The following MAPK4 variants were observed in gnomAD, a reference collection of about 807,000 sequenced individuals.
The protein encoded by MAPK4 is Erk3-related.
MAPK4 carries 22 observed loss-of-function variants against 47.7 expected under a neutral mutation model. The observed-to-expected ratio is 0.46, with a 90% CI of 0.33 to 0.66. MAPK4 has a LOEUF of 0.66. Ranked by LOEUF, MAPK4 falls within the 30% of genes least tolerant of loss-of-function variation. MAPK4 has a pLI of 0.02. For synonymous variants in MAPK4, 390 were observed against 365.7 expected (o/e 1.07, Z -0.76); for missense variants, 736 against 831.7 (o/e 0.88, Z 1.42).
intron 5 of MAPK4, among the ~76,000 whole-genome samples, chr18:50,728,041 G>A (rs936697299): frequency 3.3e-5 from 5 of 152,192 alleles, no homozygotes; most frequent in East Asian, 1.9e-4. Flanking sequence ...ACTGGGAGGC[G>A]GGCAGTGCTG....
intron 1 of MAPK4, among the ~76,000 whole-genome samples, chr18:50,606,782 C>T (rs1361083514): frequency 6.6e-6 from 1 of 152,172 alleles, no homozygotes; most frequent in East Asian, 1.9e-4. Context: ...AGCTGTGTGG[C>T]AGTAAAACTT....
intron 3 of MAPK4, among the ~76,000 whole-genome samples, chr18:50,717,378 G>A (rs1434227512): frequency 6.6e-6 from 1 of 152,160 alleles, no homozygotes; most frequent in Non-Finnish European, 1.5e-5. Flanking sequence ...CCCAGGGGGA[G>A]CGTGTTTTCT....
rs773708463 is a variant in MAPK4 at position 50,648,088 on chromosome 18, G to C, written c.-870-15001G>C. ...GCTCTTGGGATTCCCAGTATGATGG[G>C]AAGAAAGACCCAGAGAGAGAGAGAG... is the stretch of plus-strand genomic sequence containing the variant. On this transcript the variant is annotated intron_variant, in intron 1 of 5. Transcript: ENST00000400384. 2.1e-5 allele frequency among the ~76,000 whole-genome samples: 3 copies of C among 144,848 alleles called. No individual in the cohort carries two copies. The South Asian group carries it at 6.7e-4, about 32-fold the overall frequency.
intron 2 of MAPK4, among the ~76,000 whole-genome samples, chr18:50,710,641 G>T (rs35488723): frequency 1.3e-5 from 2 of 151,884 alleles, no homozygotes; most frequent in African/African-American, 4.8e-5. Flanking sequence ...TTAGCCGGGC[G>T]TGGTGGCAGG....
At chr18:50,714,028 C>T (rs890240555) in intron 2 of MAPK4, among the ~76,000 whole-genome samples, 6 of 152,176 alleles carry the variant, frequency 3.9e-5, no homozygotes, top group African/African-American at 1.2e-4. Flanking sequence ...AGGTCAAAAG[C>T]TCCTGGGTCC....
intron 1 of MAPK4, among the ~76,000 whole-genome samples, chr18:50,644,725 T>C (rs2042972226): frequency 6.6e-6 from 1 of 152,090 alleles, no homozygotes; most frequent in African/African-American, 2.4e-5. Flanking sequence ...GGTATCTTAG[T>C]AGAAAATGGC....
chr18:50,678,501 A>G lies in MAPK4; in HGVS notation c.546+13997A>G, dbSNP rs1457178404. Among the ~76,000 whole-genome samples the G allele has an allele frequency of 6.6e-6, 1 of 152,176 alleles. No homozygotes were observed. Among genetic ancestry groups the G allele is most frequent in the Non-Finnish European group, 1.5e-5 (1 of 68,030 alleles). On this transcript the variant is annotated intron_variant, in intron 2 of 5. Coordinates refer to ENST00000400384, the MANE Select transcript of MAPK4 (RefSeq NM_002747.4). This position sits in a 1 kb window ranked among gnomAD's most constrained non-coding sequence, Gnocchi z 4.2. Reference sequence around the variant, plus strand: ...CCGCCATCACCCCTCCACCCTGTACAGACTGGAGAGCGGGCCCTGTCTTCC... The same window carrying G: ...CCGCCATCACCCCTCCACCCTGTACGGACTGGAGAGCGGGCCCTGTCTTCC...
chr18:50,694,411 G>C (rs1256771382), intron 2 of MAPK4, among the ~76,000 whole-genome samples: 2 of 152,132 alleles, frequency 1.3e-5, no homozygotes, highest in Non-Finnish European at 2.9e-5. Flanking sequence ...TCAAAGTCCT[G>C]CTGAGAGACA....
intron 1 of MAPK4, among the ~76,000 whole-genome samples, chr18:50,621,344 A>G (rs558895738): frequency 6.6e-6 from 1 of 152,344 alleles, no homozygotes; most frequent in East Asian, 1.9e-4. Flanking sequence ...GTTCTTAAGC[A>G]CAAAAATGTG....
chr18:50,710,665 G>T (rs75629668), intron 2 of MAPK4, among the ~76,000 whole-genome samples: 1 of 149,096 alleles, frequency 6.7e-6, no homozygotes, highest in Non-Finnish European at 1.5e-5. Flanking sequence ...CTGCAGTCCC[G>T]GCTACTCAGG....
intron 2 of MAPK4, among the ~76,000 whole-genome samples, chr18:50,699,698 C>T (rs12968509): frequency 0.15 from 22,082 of 152,104 alleles, 1,854 homozygotes; most frequent in East Asian, 0.24. Flanking sequence ...GCCACAAGCC[C>T]GGGGGTCCCT....
chr18:50,563,574 C>A (rs1012714122), intron 1 of MAPK4, among the ~76,000 whole-genome samples: 3 of 152,190 alleles, frequency 2.0e-5, no homozygotes, highest in African/African-American at 7.2e-5. Context: ...GCCATTCTTT[C>A]AAGCATTCCT....
intron 1 of MAPK4, among the ~76,000 whole-genome samples, chr18:50,627,575 G>T (rs1442352548): frequency 6.6e-6 from 1 of 152,192 alleles, no homozygotes; most frequent in Non-Finnish European, 1.5e-5. Context: ...AACCAAAGTT[G>T]TTGCTTATAA....
intron 1 of MAPK4, among the ~76,000 whole-genome samples, chr18:50,658,830 T>A (rs1445101311): frequency 3.3e-5 from 5 of 151,438 alleles, no homozygotes; most frequent in Non-Finnish European, 7.4e-5. Context: ...GAAGACTGAG[T>A]CCAAGAGGAA....
At chr18:50,679,760 G>A (rs1280021737) in intron 2 of MAPK4, among the ~76,000 whole-genome samples, 1 of 152,218 alleles carries the variant, frequency 6.6e-6, no homozygotes, top group East Asian at 1.9e-4. Context: ...CTTTGCCCAG[G>A]TGGAAGCTTG....
At chr18:50,673,106 A>G (rs535101187) in intron 2 of MAPK4, among the ~76,000 whole-genome samples, 76 of 152,054 alleles carry the variant, frequency 5.0e-4, no homozygotes, top group Non-Finnish European at 8.7e-4. Flanking sequence ...GTGAAACCCC[A>G]TCTTTACCAA....
Position 50,729,569 on chromosome 18 carries a change from C to G in MAPK4, c.1479C>G (p.Ile493Met). Residue 493 changes from isoleucine (I) to methionine (M), a missense_variant, in exon 6 of 6, where the codon ATC (isoleucine) becomes ATG (methionine). By Grantham distance (10) the Ile-to-Met change is conservative. Transcript: ENST00000400384. ...AGCCGGCCAGCCTCTTCCTGGAGAT[C>G]GCGCAGTGGGTCAAGAGCACGCAGG... ...EDEPASLFLE[I>M]AQWVKSTQGG... 2 of 1,423,888 alleles carry G rather than the reference C, an allele frequency of 1.4e-6. No homozygotes were observed. Among genetic ancestry groups the G allele is most frequent in the Non-Finnish European group, 1.8e-6 (2 of 1,087,778 alleles). 88.2% of individuals were successfully genotyped at this position (1,423,888 alleles called of 1,614,324 possible). A position where few individuals can be genotyped will look rare whatever the true frequency, so the allele number is the denominator to read the frequency against.
chr18:50,646,048 A>G (rs1179010919), intron 1 of MAPK4, among the ~76,000 whole-genome samples: 1 of 152,222 alleles, frequency 6.6e-6, no homozygotes, highest in Non-Finnish European at 1.5e-5. Flanking sequence ...TAACTCTTAC[A>G]AAAACCCTGT....
At chr18:50,650,550 T>C (rs879644229) in intron 1 of MAPK4, among the ~76,000 whole-genome samples, 1 of 152,184 alleles carries the variant, frequency 6.6e-6, no homozygotes, top group Non-Finnish European at 1.5e-5. Flanking sequence ...TTAAGGGGGC[T>C]TGGCTCTCCA....
Sources: gnomAD v4.1 joint callset for allele counts (sites outside exome capture counted in the v4.1 genomes callset) on GRCh38, gnomAD v4.1.1 for gene constraint, Gnocchi (gnomAD v3.1) non-coding constraint, MANE v1.5 for transcripts, NCBI Gene and HGNC (gene_info 2026-07-23, HGNC 2026-07-21) for gene names.